The following TRAPPC9 variants were observed in gnomAD, a reference collection of about 807,000 sequenced individuals.
TRAPPC9 encodes the protein trafficking protein particle complex subunit 9.
In TRAPPC9, 83 loss-of-function variants were observed where a neutral mutation model predicts 124.0. That is an observed-to-expected ratio of 0.67 (90% CI 0.56 to 0.80). The LOEUF (loss-of-function observed/expected upper bound fraction) is 0.80, where lower values mean the gene tolerates loss of function less well. TRAPPC9 is among the 30% of genes least tolerant of loss of function. TRAPPC9 has a pLI of 0.00. For missense variants in TRAPPC9, 1,302 were observed against 1,508.3 expected (o/e 0.86, Z 2.27); for synonymous variants, 638 against 617.5 (o/e 1.03, Z -0.49).
At chr8:139,809,527 C>T (rs1182548370) in intron 21 of TRAPPC9, among the ~76,000 whole-genome samples, 1 of 152,212 alleles carries the variant, frequency 6.6e-6, no homozygotes, top group African/African-American at 2.4e-5. Context: ...TGGGCAATCG[C>T]CTCCGACTTC....
chr8:140,455,201 C>T (rs1281540564), intron 1 of TRAPPC9, among the ~76,000 whole-genome samples: 1 of 152,160 alleles, frequency 6.6e-6, no homozygotes, highest in Middle Eastern at 3.2e-3. Flanking sequence ...GGCAGGATTT[C>T]AGCTCACCTC....
At chr8:140,345,818 G>C (rs775887578) in intron 9 of TRAPPC9, among the ~76,000 whole-genome samples, 2 of 152,238 alleles carry the variant, frequency 1.3e-5, no homozygotes, top group Non-Finnish European at 2.9e-5. Context: ...CACGGAAGGG[G>C]TCACGGGAGC....
chr8:140,351,943 A>G (rs1021153651), intron 9 of TRAPPC9, among the ~76,000 whole-genome samples: 5 of 152,226 alleles, frequency 3.3e-5, no homozygotes, highest in Admixed American at 2.0e-4. Flanking sequence ...AGGATATCAC[A>G]CAGTTGTGCA....
intron 14 of TRAPPC9, among the ~76,000 whole-genome samples, chr8:140,282,861 C>T (rs1345778712): frequency 2.6e-5 from 4 of 152,210 alleles, no homozygotes; most frequent in African/African-American, 9.7e-5. Flanking sequence ...GCTTCTGGGA[C>T]TCCTGAGATT....
At chr8:139,843,431 TTC>T (rs1826868258) in intron 21 of TRAPPC9, among the ~76,000 whole-genome samples, 1 of 152,104 alleles carries the variant, frequency 6.6e-6, no homozygotes, top group African/African-American at 2.4e-5. Flanking sequence ...TCCTCTGAAT[TTC>T]TGTCATTCAT....
chr8:140,103,190 C>T (rs1195651879), intron 17 of TRAPPC9, among the ~76,000 whole-genome samples: 2 of 152,238 alleles, frequency 1.3e-5, no homozygotes, highest in African/African-American at 2.4e-5. Context: ...ATTACATCAG[C>T]GCTCTCTTCC....
At position 139,736,587 on chromosome 8, in the gene TRAPPC9, A is replaced by G. The variant is rs145394939; in HGVS notation, c.3056-4385T>C. On this transcript the variant is annotated intron_variant, in intron 21 of 22. Transcript: ENST00000438773. The stretch of plus-strand genomic sequence containing the variant: ...GGTCTGTTTTTGTCCGAGAGCATTA[A>G]GCTTCCTGAATTCAAAAGGATGTCC... Among the ~76,000 whole-genome samples, 323 of 152,330 alleles carry G rather than the reference A, an allele frequency of 2.1e-3. 2 individuals carry two copies. The highest frequency in any genetic ancestry group is 6.7e-3 in the African/African-American group (277 of 41,576).
intron 21 of TRAPPC9, among the ~76,000 whole-genome samples, chr8:139,840,284 G>A (rs1586960827): frequency 1.3e-5 from 2 of 152,246 alleles, no homozygotes; most frequent in Admixed American, 6.5e-5. Flanking sequence ...GAACAGCTGA[G>A]GAGCGGGGAA....
At chr8:140,255,850 C>T (rs545990507) in intron 15 of TRAPPC9, among the ~76,000 whole-genome samples, 1 of 152,284 alleles carries the variant, frequency 6.6e-6, no homozygotes, top group African/African-American at 2.4e-5. Flanking sequence ...CGCGCCACTA[C>T]ACTCCAGCCT....
intron 4 of TRAPPC9, among the ~76,000 whole-genome samples, chr8:140,430,342 A>G (rs2070593789): frequency 6.6e-6 from 1 of 152,170 alleles, no homozygotes; most frequent in Admixed American, 6.5e-5. Context: ...GGTTTCCATA[A>G]TAAAGGCTTT....
intron 21 of TRAPPC9, among the ~76,000 whole-genome samples, chr8:139,784,715 T>C (rs1822103786): frequency 6.8e-6 from 1 of 146,078 alleles, no homozygotes; most frequent in Non-Finnish European, 1.5e-5. Context: ...CTATTTACAA[T>C]AGCATAAAGA....
chr8:140,183,855 A>C (rs2062264557), intron 17 of TRAPPC9, among the ~76,000 whole-genome samples: 1 of 59,640 alleles, frequency 1.7e-5, no homozygotes, highest in South Asian at 8.5e-4. Context: ...ACTTTGTCAA[A>C]AAAAAAAAAG....
chr8:139,850,761 C>T (rs979742026), intron 21 of TRAPPC9, among the ~76,000 whole-genome samples: 2 of 152,160 alleles, frequency 1.3e-5, no homozygotes, highest in African/African-American at 4.8e-5. Context: ...AGTCTTCATC[C>T]CTTCACCCAA....
intron 14 of TRAPPC9, among the ~76,000 whole-genome samples, chr8:140,278,588 A>C (rs984972635): frequency 6.6e-6 from 1 of 152,164 alleles, no homozygotes. Context: ...CCTGCTGCAC[A>C]CTTCACAGCT....
At chr8:139,953,202 T>C (rs1180816243) in intron 19 of TRAPPC9, among the ~76,000 whole-genome samples, 1 of 152,222 alleles carries the variant, frequency 6.6e-6, no homozygotes, top group Non-Finnish European at 1.5e-5. Context: ...ATAAAACTTG[T>C]AAAAGTAGGC....
At chr8:139,811,843 T>C (rs1824464704) in intron 21 of TRAPPC9, among the ~76,000 whole-genome samples, 1 of 152,138 alleles carries the variant, frequency 6.6e-6, no homozygotes, top group African/African-American at 2.4e-5. Flanking sequence ...TTCAAAAACA[T>C]TTTTTTCCTA....
intron 21 of TRAPPC9, among the ~76,000 whole-genome samples, chr8:139,783,175 T>C (rs567972977): frequency 6.6e-6 from 1 of 151,854 alleles, no homozygotes; most frequent in Admixed American, 6.6e-5. Context: ...AAGAAAAGGA[T>C]GAACAGCAAA....
chr8:139,940,032 C>A (rs934130501), intron 19 of TRAPPC9, among the ~76,000 whole-genome samples: 24 of 152,022 alleles, frequency 1.6e-4, no homozygotes, highest in African/African-American at 4.4e-4. Context: ...TTTCTTTTTT[C>A]ACCCTAGGCA....
intron 16 of TRAPPC9, among the ~76,000 whole-genome samples, chr8:140,231,509 T>A (rs1210133216): frequency 8.2e-6 from 1 of 122,646 alleles, no homozygotes; most frequent in African/African-American, 2.8e-5. Flanking sequence ...TTTTTTTTTT[T>A]TGAGATGGAG....
Sources: allele counts gnomAD v4.1 joint callset (sites outside exome capture counted in the v4.1 genomes callset), GRCh38; gene constraint gnomAD v4.1.1; transcripts MANE v1.5; gene names NCBI Gene and HGNC (gene_info 2026-07-23, HGNC 2026-07-21).